Variants in LSAMP observed in about 807,000 individuals in gnomAD.
LSAMP encodes the protein limbic system-associated membrane protein.
LSAMP carries 7 observed loss-of-function variants against 38.6 expected under a neutral mutation model. The observed-to-expected ratio is 0.18, with a 90% CI of 0.10 to 0.34. The LOEUF is 0.34. Ranked by LOEUF, LSAMP falls within the 10% of genes least tolerant of loss-of-function variation. LSAMP has a pLI of 1.00. For missense variants in LSAMP, 313 were observed against 420.0 expected (o/e 0.75, Z 2.23); for synonymous variants, 154 against 166.8 (o/e 0.92, Z 0.59).
At chr3:116,282,568 C>G (rs939112299) in intron 1 of LSAMP, among the ~76,000 whole-genome samples, 2 of 152,150 alleles carry the variant, frequency 1.3e-5, no homozygotes, top group African/African-American at 4.8e-5. Context: ...CTTACGTAGT[C>G]TCTATACATG....
In LSAMP at chr3:115,889,593, A is replaced by G. The variant is rs140629085; in HGVS notation, c.515-36976T>C. On this transcript the variant is annotated intron_variant, in intron 3 of 6. Coordinates refer to ENST00000490035, the MANE Select transcript of LSAMP (RefSeq NM_002338.5). ...GCTTTGGCCCCCAGTTATGTATAAC[A>G]TAAATGGAGAAGATGGCATTGGAGT... Among the ~76,000 whole-genome samples, 486 of 152,100 alleles carry G rather than the reference A, an allele frequency of 3.2e-3. 2 individuals carry two copies. The highest frequency in any genetic ancestry group is 0.011 in the African/African-American group (461 of 41,528).
intron 6 of LSAMP, among the ~76,000 whole-genome samples, chr3:115,838,326 G>A (rs1366545236): frequency 6.6e-6 from 1 of 152,100 alleles, no homozygotes; most frequent in Non-Finnish European, 1.5e-5. Context: ...AACTCAACAA[G>A]AGCATGAAAC....
chr3:116,146,919 CA>C (rs1349119374), intron 1 of LSAMP, among the ~76,000 whole-genome samples: 2 of 151,794 alleles, frequency 1.3e-5, no homozygotes, highest in Admixed American at 6.6e-5. Flanking sequence ...CACTACTTAT[CA>C]GAAATATAGT....
intron 1 of LSAMP, among the ~76,000 whole-genome samples, chr3:116,405,789 T>C (rs1182321997): frequency 6.6e-6 from 1 of 152,116 alleles, no homozygotes; most frequent in Non-Finnish European, 1.5e-5. Context: ...AACCTGCCCA[T>C]GATCATGCAG....
At chr3:115,839,754 GTA>G (rs1163449823) in intron 6 of LSAMP, among the ~76,000 whole-genome samples, 2 of 152,170 alleles carry the variant, frequency 1.3e-5, no homozygotes, top group Non-Finnish European at 2.9e-5. Flanking sequence ...CCACCAGGAA[GTA>G]CATCATTAAT....
intron 1 of LSAMP, among the ~76,000 whole-genome samples, chr3:116,421,930 C>T (rs1201168857): frequency 1.3e-5 from 2 of 152,142 alleles, no homozygotes; most frequent in Admixed American, 1.3e-4. Flanking sequence ...TCCTCAGTAC[C>T]TATGGAAGAG....
intron 3 of LSAMP, among the ~76,000 whole-genome samples, chr3:115,969,170 C>T (rs1456483264): frequency 6.6e-6 from 1 of 152,140 alleles, no homozygotes; most frequent in African/African-American, 2.4e-5. Flanking sequence ...ATTGTTGGTT[C>T]TTATAAAGGT....
chr3:116,395,235 A>G lies in LSAMP; in HGVS notation c.155+49642T>C, dbSNP rs144425388. Among the ~76,000 whole-genome samples the G allele has an allele frequency of 3.6e-4, 55 of 152,292 alleles. No homozygotes were observed. The East Asian group carries it at 0.01, about 28-fold the overall frequency. The stretch of plus-strand genomic sequence containing the variant: ...AATAATTAAAGATGAATCCACCATA[A>G]AGCTTTCTCTGCCATTCCCAGTGTT... On this transcript the variant is annotated intron_variant, in intron 1 of 6. Transcript: ENST00000490035.
At chr3:116,003,867 C>T (rs1559916152) in intron 3 of LSAMP, among the ~76,000 whole-genome samples, 1 of 152,208 alleles carries the variant, frequency 6.6e-6, no homozygotes, top group East Asian at 1.9e-4. Flanking sequence ...CCTGCCAATA[C>T]CTTGATTTTG....
chr3:116,415,797 G>A (rs1277395213), intron 1 of LSAMP, among the ~76,000 whole-genome samples: 1 of 152,240 alleles, frequency 6.6e-6, no homozygotes, highest in African/African-American at 2.4e-5. Context: ...AAATGCAAAT[G>A]AAAGATTCTG....
intron 1 of LSAMP, among the ~76,000 whole-genome samples, chr3:116,114,890 T>C (rs1377895784): frequency 2.0e-5 from 3 of 152,220 alleles, no homozygotes; most frequent in Non-Finnish European, 4.4e-5. Context: ...CATTTTACAA[T>C]GTTTTCCATT....
chr3:116,120,210 ATCT>A (rs1708844132), intron 1 of LSAMP, among the ~76,000 whole-genome samples: 1 of 152,212 alleles, frequency 6.6e-6, no homozygotes, highest in African/African-American at 2.4e-5. Flanking sequence ...AGTAAAAGGT[ATCT>A]TGATGGACCA....
chr3:115,852,045 G>A (rs1480856097), intron 4 of LSAMP, among the ~76,000 whole-genome samples: 2 of 152,152 alleles, frequency 1.3e-5, no homozygotes, highest in Admixed American at 1.3e-4. Context: ...TGTTCCCAAG[G>A]CCAATTATTT....
intron 3 of LSAMP, among the ~76,000 whole-genome samples, chr3:115,920,623 C>T (rs956603834): frequency 1.3e-5 from 2 of 151,982 alleles, no homozygotes; most frequent in African/African-American, 4.8e-5. Flanking sequence ...GGGATTTATC[C>T]TGGACAATGG....
chr3:116,322,014 G>A (rs1182760651), intron 1 of LSAMP, among the ~76,000 whole-genome samples: 2 of 152,156 alleles, frequency 1.3e-5, no homozygotes, highest in Admixed American at 6.5e-5. Context: ...ATTGTTCAAG[G>A]AAAACATGGT....
intron 1 of LSAMP, among the ~76,000 whole-genome samples, chr3:116,420,586 G>A (rs1204675182): frequency 3.0e-4 from 45 of 151,946 alleles, no homozygotes; most frequent in Admixed American, 3.0e-3. Context: ...AATAAATTGG[G>A]CCGGGCGCGG....
intron 2 of LSAMP, among the ~76,000 whole-genome samples, chr3:116,085,541 G>A (rs983758054): frequency 1.3e-5 from 2 of 152,188 alleles, no homozygotes; most frequent in Non-Finnish European, 2.9e-5. Flanking sequence ...TTTCCTGATA[G>A]ATACATTGAA....
At chr3:116,088,432 T>G (rs1193630048) in intron 1 of LSAMP, among the ~76,000 whole-genome samples, 1 of 152,178 alleles carries the variant, frequency 6.6e-6, no homozygotes, top group East Asian at 1.9e-4. Context: ...TCAGTTTTAC[T>G]TTTGCTGTTC....
At chr3:116,218,490 G>A (rs1270913581) in intron 1 of LSAMP, among the ~76,000 whole-genome samples, 1 of 152,062 alleles carries the variant, frequency 6.6e-6, no homozygotes, top group Non-Finnish European at 1.5e-5. Flanking sequence ...CCCACAACCT[G>A]TCAACAGTTT....
Sources: allele counts gnomAD v4.1 joint callset (sites outside exome capture counted in the v4.1 genomes callset), GRCh38; gene constraint gnomAD v4.1.1; transcripts MANE v1.5; gene names NCBI Gene and HGNC (gene_info 2026-07-23, HGNC 2026-07-21).